Variants in RAB10 observed in about 807,000 individuals in gnomAD.
RAB10 encodes the protein RAB10, member RAS oncogene family, also known as ras-related protein Rab-10.
Under a neutral mutation model 25.7 loss-of-function variants are expected in RAB10, and 5 were observed. The ratio of observed to expected loss-of-function variants is 0.19; its 90% confidence interval spans 0.10 to 0.41. The LOEUF (loss-of-function observed/expected upper bound fraction) is 0.41. Among genes scored for constraint, RAB10 ranks in the 10% least tolerant of loss-of-function variants. The probability of loss-of-function intolerance (pLI) is 1.00; values close to 1 mark genes in which losing one functional copy is unlikely to be tolerated. For synonymous variants in RAB10, 89 were observed against 86.4 expected, an observed-to-expected ratio of 1.03 and a Z score of -0.16; for missense variants, 103 against 245.8, an observed-to-expected ratio of 0.42 and a Z score of 3.89.
chr2:26,077,499 T>G (rs1347536352), intron 1 of RAB10, among the ~76,000 whole-genome samples: 1 of 152,216 alleles, frequency 6.6e-6, no homozygotes, highest in African/African-American at 2.4e-5. Flanking sequence ...TTATTCTGAC[T>G]TACATCTATT....
chr2:26,071,657 C>G (rs1262234337), intron 1 of RAB10, among the ~76,000 whole-genome samples: 2 of 150,592 alleles, frequency 1.3e-5, no homozygotes, highest in East Asian at 3.9e-4. Flanking sequence ...CACTGCAACT[C>G]CAGCCTGGGT....
At chr2:26,079,405 A>G (rs946158842) in intron 1 of RAB10, among the ~76,000 whole-genome samples, 3 of 152,064 alleles carry the variant, frequency 2.0e-5, no homozygotes, top group African/African-American at 7.2e-5. Flanking sequence ...GTAGATAATG[A>G]CAGCTGGGTT....
rs191157987 is a variant in RAB10 at position 26,102,379 on chromosome 2, A to G, written c.188+3657A>G. Among the ~76,000 whole-genome samples the G allele has an allele frequency of 2.7e-3, 403 of 149,442 alleles. 1 individual carries two copies. The highest frequency in any genetic ancestry group is 9.2e-3 in the African/African-American group (371 of 40,442). On this transcript the variant is annotated intron_variant, in intron 2 of 5. Coordinates refer to ENST00000264710, the MANE Select transcript of RAB10 (RefSeq NM_016131.5). ...GTCTTATTTTCCAGGGCAGATCTATATATTTTGAGATGAAATGAGCAAGTG... is the reference window on the plus strand; with the variant it reads ...GTCTTATTTTCCAGGGCAGATCTATGTATTTTGAGATGAAATGAGCAAGTG...
intron 1 of RAB10, among the ~76,000 whole-genome samples, chr2:26,094,731 G>A (rs1279346262): frequency 6.6e-6 from 1 of 151,944 alleles, no homozygotes. Flanking sequence ...GCTAATTTTT[G>A]TATTTTTAGT....
chr2:26,129,860 AG>A (rs1667977586), intron 5 of RAB10, among the ~76,000 whole-genome samples: 1 of 152,226 alleles, frequency 6.6e-6, no homozygotes, highest in Non-Finnish European at 1.5e-5. Flanking sequence ...AATTAAAATA[AG>A]TATAAAAGAT....
At chr2:26,048,937 G>C (rs992290157) in intron 1 of RAB10, among the ~76,000 whole-genome samples, 1 of 152,124 alleles carries the variant, frequency 6.6e-6, no homozygotes, top group African/African-American at 2.4e-5. Flanking sequence ...TCTGTAGCTT[G>C]TCTTTTCATC....
At chr2:26,068,728 T>C (rs1194040743) in intron 1 of RAB10, among the ~76,000 whole-genome samples, 1 of 152,208 alleles carries the variant, frequency 6.6e-6, no homozygotes, top group East Asian at 1.9e-4. Context: ...ACTTTAATTG[T>C]GTTAATCGCT....
intron 1 of RAB10, among the ~76,000 whole-genome samples, chr2:26,066,241 G>A (rs1284683112): frequency 1.3e-5 from 2 of 151,782 alleles, no homozygotes; most frequent in East Asian, 1.9e-4. Flanking sequence ...AACAATTACC[G>A]ATTTTTTTTT....
intron 1 of RAB10, among the ~76,000 whole-genome samples, chr2:26,064,532 TG>T (rs1316388836): frequency 1.3e-5 from 2 of 152,032 alleles, no homozygotes; most frequent in East Asian, 1.9e-4. Flanking sequence ...TTTGTAGAGA[TG>T]GGGTGTACAC....
intron 1 of RAB10, among the ~76,000 whole-genome samples, chr2:26,040,786 T>C (rs970547852): frequency 8.5e-5 from 13 of 152,198 alleles, no homozygotes; most frequent in African/African-American, 1.9e-4. Flanking sequence ...AAGTTTCTTA[T>C]TGGCTATGGT....
intron 3 of RAB10, among the ~76,000 whole-genome samples, chr2:26,111,213 C>A (rs963701077): frequency 3.9e-5 from 6 of 152,160 alleles, no homozygotes; most frequent in African/African-American, 1.4e-4. Flanking sequence ...CAAGATAATA[C>A]CCCTAATGGT....
chr2:26,107,533 C>T (rs1012670423), intron 2 of RAB10, among the ~76,000 whole-genome samples: 2 of 152,114 alleles, frequency 1.3e-5, no homozygotes, highest in African/African-American at 2.4e-5. Flanking sequence ...CGGTGGCTCA[C>T]GCCTGTAATC....
At chr2:26,099,279 A>G (rs1339250543) in intron 2 of RAB10, among the ~76,000 whole-genome samples, 1 of 152,170 alleles carries the variant, frequency 6.6e-6, no homozygotes, top group Admixed American at 6.5e-5. Flanking sequence ...ACTCCTTTTG[A>G]GAAAACAGCT....
chr2:26,124,834 C>T (rs148199541), intron 3 of RAB10, among the ~76,000 whole-genome samples: 370 of 152,178 alleles, frequency 2.4e-3, no homozygotes, highest in African/African-American at 8.7e-3. Flanking sequence ...TTATAGGTAC[C>T]TCATATAAGT....
intron 1 of RAB10, among the ~76,000 whole-genome samples, chr2:26,092,882 T>C (rs1667138229): frequency 6.6e-6 from 1 of 152,136 alleles, no homozygotes; most frequent in South Asian, 2.1e-4. Context: ...ACTGTAGAAG[T>C]AGGGTTAGGT....
chr2:26,085,422 G>A (rs567865654), intron 1 of RAB10, among the ~76,000 whole-genome samples: 1 of 151,230 alleles, frequency 6.6e-6, no homozygotes, highest in East Asian at 2.0e-4. Context: ...CTGGGAGGCA[G>A]AGGTTGTGAT....
intron 1 of RAB10, among the ~76,000 whole-genome samples, chr2:26,054,780 CAA>C (rs1421019169): frequency 6.6e-6 from 1 of 152,116 alleles, no homozygotes; most frequent in African/African-American, 2.4e-5. Context: ...TTATATCTCT[CAA>C]GAGAGTTTAT....
Position 26,043,582 on chromosome 2 carries a change from A to G in RAB10, c.127+8847A>G, listed in dbSNP as rs1435677854. On this transcript the variant is annotated intron_variant, in intron 1 of 5. Coordinates refer to ENST00000264710, the MANE Select transcript of RAB10 (RefSeq NM_016131.5). ...ATACACATAGAATGGAATATTATTC[A>G]GCCTTAAAAGGGAGGGAAATTCTAA... Among the ~76,000 whole-genome samples the G allele has an allele frequency of 2.0e-5, 3 of 152,276 alleles. No homozygotes were observed. In the East Asian group the frequency reaches 5.8e-4, roughly 29 times the overall value.
At chr2:26,064,022 G>A (rs941778285) in intron 1 of RAB10, among the ~76,000 whole-genome samples, 2 of 152,078 alleles carry the variant, frequency 1.3e-5, no homozygotes, top group African/African-American at 2.4e-5. Context: ...GGTTGGTGTC[G>A]AACTCCTGAC....
Sources: allele counts gnomAD v4.1 joint callset (sites outside exome capture counted in the v4.1 genomes callset), GRCh38; gene constraint gnomAD v4.1.1; transcripts MANE v1.5; gene names NCBI Gene and HGNC (gene_info 2026-07-23, HGNC 2026-07-21).